POLD1: variants seen among roughly 807,000 people sequenced by gnomAD.
POLD1 encodes DNA polymerase delta catalytic subunit.
Under a neutral mutation model 129.7 loss-of-function variants are expected in POLD1, and 79 were observed. The observed-to-expected ratio is 0.61, with a 90% CI of 0.51 to 0.73. The LOEUF is 0.73. Among genes scored for constraint, POLD1 ranks in the 30% least tolerant of loss-of-function variants. The pLI, the probability that POLD1 is intolerant of heterozygous loss-of-function variation, is 0.00. For missense variants in POLD1, 1,338 were observed against 1,595.8 expected, an observed-to-expected ratio of 0.84 and a Z score of 2.75; for synonymous variants, 714 against 683.3, an observed-to-expected ratio of 1.04 and a Z score of -0.70.
At chr19:50,416,852 C>G in intron 24 of POLD1, 129 bp downstream of exon 24, 2 of 928,714 alleles carry the variant, frequency 2.2e-6, no homozygotes, top group South Asian at 3.4e-5. Flanking sequence ...GTGGGTGGCC[C>G]CTGTCTCCAC....
rs1601220977 is a variant in POLD1, at chr19:50,407,340, G to T, written c.1700G>T (p.Gly567Val). 1 of 1,612,928 alleles carries T rather than the reference G, an allele frequency of 6.2e-7. No individual in the cohort carries two copies. The highest frequency in any genetic ancestry group is 8.5e-7 in the Non-Finnish European group (1 of 1,179,478). ...CTCCCCTCCCAGGCCATGCACGAGG[G>T]GCTGCTGATGCCCGTGGTGAAGTCA... is the stretch of plus-strand genomic sequence containing the variant. ...SQLLRQAMHE[G>V]LLMPVVKSEG... The change falls in exon 14 of 27, where the codon GGG becomes GTG. Residue 567 changes from glycine (G) to valine (V), a missense_variant. Gly to Val is a moderately radical substitution (Grantham distance 109). Transcript: ENST00000440232.
rs1057521359 is a variant in POLD1, at chr19:50,406,277, C to A, written c.1338C>A (p.Thr446=). The part of the protein sequence containing the change: ...FQSKQTGRRD[T]KVVSMVGRVQ... The stretch of plus-strand genomic sequence containing the variant: ...CCAAGCAGACGGGCCGGCGGGACAC[C>A]AAGGTTGTCAGCATGGTGGGCCGCG... Residue 446 remains threonine (T), a synonymous_variant, in exon 11 of 27, where the codon ACC becomes ACA. Transcript: ENST00000440232. This position sits in a 1 kb window ranked among gnomAD's most constrained non-coding sequence, Gnocchi z 5.5. 6.8e-6 allele frequency: 11 copies of A among 1,613,992 alleles called. No homozygotes were observed. Among genetic ancestry groups the A allele is most frequent in the Middle Eastern group, 1.6e-4 (1 of 6,062 alleles).
rs997200266 is a variant in POLD1, at chr19:50,409,435, C to T, written c.2007-84C>T. 114 of 1,575,986 alleles carry T rather than the reference C, an allele frequency of 7.2e-5. No individual in the cohort carries two copies. The highest frequency in any genetic ancestry group is 1.9e-4 in the South Asian group (17 of 89,528). The stretch of plus-strand genomic sequence containing the variant: ...CTGTGCAGTGCACAGTACGCCCAAC[C>T]GTACATGGCACTCACTTCCAGAAAG... On this transcript the variant is annotated intron_variant, in intron 16 of 26. Transcript: ENST00000440232. The surrounding 1 kb of genome is among the most constrained non-coding windows in gnomAD (Gnocchi z 5.8).
intron 14 of POLD1, among the ~76,000 whole-genome samples, chr19:50,407,724 A>G (rs956289019): frequency 2.5e-5 from 3 of 121,702 alleles, no homozygotes; most frequent in Non-Finnish European, 4.7e-5. Flanking sequence ...ACGCCTGGCT[A>G]ATTTTTTTTT....
At chr19:50,395,876 C>CTTTTTTTTTTTT (rs774272686) in intron 1 of POLD1, among the ~76,000 whole-genome samples, 3 of 73,658 alleles carry the variant, frequency 4.1e-5, no homozygotes, top group African/African-American at 1.7e-4. Flanking sequence ...AGGATATATA[C>CTTTTTTTTTTTT]TTTTTTTTTT....
In POLD1 at chr19:50,415,811, C is replaced by T; in HGVS notation, c.2805C>T (p.Ala935=). 1.3e-6 allele frequency: 2 copies of T among 1,537,636 alleles called. No homozygotes were observed. The highest frequency in any genetic ancestry group is 1.8e-6 in the Non-Finnish European group (2 of 1,142,258). ...VIISAAKGVA[A]YMKSEDPLFV... Reference sequence around the variant, plus strand: ...TCAGTGCCGCCAAGGGTGTGGCCGCCTACATGAAGTCGGAGGTCAGGCCCA... The same window carrying T: ...TCAGTGCCGCCAAGGGTGTGGCCGCTTACATGAAGTCGGAGGTCAGGCCCA... Residue 935 remains alanine (A), a synonymous_variant, in exon 22 of 27, where the codon GCC becomes GCT. Coordinates refer to ENST00000440232, the MANE Select transcript of POLD1 (RefSeq NM_002691.4).
chr19:50,384,698 C>T (rs2123688062), intron 1 of POLD1, among the ~76,000 whole-genome samples: 1 of 152,170 alleles, frequency 6.6e-6, no homozygotes, highest in South Asian at 2.1e-4. Context: ...ATCCTGGATT[C>T]GCTGGGTGTT....
At chr19:50,403,298 G>A (rs1479758745) in intron 9 of POLD1, 79 bp downstream of exon 9, 4 of 1,401,684 alleles carry the variant, frequency 2.9e-6, no homozygotes, top group Non-Finnish European at 3.9e-6. Flanking sequence ...GCTCCTGGGT[G>A]CTGCGACGCC....
chr19:50,400,075 A>G (rs1248565077), intron 3 of POLD1, among the ~76,000 whole-genome samples: 1 of 149,418 alleles, frequency 6.7e-6, no homozygotes, highest in African/African-American at 2.5e-5. Flanking sequence ...TTGGCCTCCC[A>G]AAGTGCTTAG....
intron 18 of POLD1, 27 bp from the exon 19 acceptor site, chr19:50,413,715 A>G: frequency 6.3e-7 from 1 of 1,578,300 alleles, no homozygotes; most frequent in Non-Finnish European, 8.6e-7. Context: ...CCTGCTTCTC[A>G]CATACACACA....
chr19:50,413,826 G>A lies in POLD1; in HGVS notation c.2335G>A (p.Ala779Thr), dbSNP rs747996611. Residue 779 changes from alanine (A) to threonine (T), a missense_variant, in exon 19 of 27, where the codon GCG becomes ACG. Transcript: ENST00000440232. ...AEAMALGREAADWVSGHFPSP... is the reference protein window; with the variant it reads ...AEAMALGREATDWVSGHFPSP... ...GGCGATGGCCCTGGGGCGGGAGGCCGCGGACTGGGTGTCAGGTCACTTCCC... is the reference window on the plus strand; with the variant it reads ...GGCGATGGCCCTGGGGCGGGAGGCCACGGACTGGGTGTCAGGTCACTTCCC... The A allele has an allele frequency of 8.7e-6, 14 of 1,612,030 alleles. No individual in the cohort carries two copies. The highest frequency in any genetic ancestry group is 1.1e-5 in the Non-Finnish European group (13 of 1,179,344).
At chr19:50,393,325 T>C (rs1219910192) in intron 1 of POLD1, among the ~76,000 whole-genome samples, 4 of 152,194 alleles carry the variant, frequency 2.6e-5, no homozygotes, top group Non-Finnish European at 5.9e-5. Flanking sequence ...ATTCTACAAC[T>C]TTGTCTAAAT....
At chr19:50,395,551 T>G (rs2038327105) in intron 1 of POLD1, among the ~76,000 whole-genome samples, 1 of 149,862 alleles carries the variant, frequency 6.7e-6, no homozygotes, top group Non-Finnish European at 1.5e-5. Context: ...GCCACCGCAC[T>G]CCAGCCTGGG....
Position 50,414,856 on chromosome 19 carries a change from G to A in POLD1, c.2430G>A (p.Ala810=), listed in dbSNP as rs763386334. 19 of 1,598,680 alleles carry A rather than the reference G, an allele frequency of 1.2e-5. No homozygotes were observed. Among genetic ancestry groups the A allele is most frequent in the South Asian group, 4.5e-5 (4 of 89,632 alleles). ...TGCTTATCAGCAAGAAGCGCTACGC[G>A]GGCCTGCTCTTCTCCTCCCGGCCCG... ...PYLLISKKRY[A]GLLFSSRPDA... is the part of the protein sequence containing the mutation. The change falls in exon 20 of 27, where the codon GCG becomes GCA. Residue 810 remains alanine, a synonymous_variant. Coordinates refer to ENST00000440232, the MANE Select transcript of POLD1 (RefSeq NM_002691.4).
chr19:50,405,645 C>T (rs973288213), intron 10 of POLD1, among the ~76,000 whole-genome samples: 2 of 152,274 alleles, frequency 1.3e-5, no homozygotes, highest in Middle Eastern at 3.4e-3. Context: ...CACAGCGTGG[C>T]GCTGATGCCC....
At chr19:50,403,390 C>A in intron 9 of POLD1, 103 bp from the exon 10 acceptor site, 1 of 1,160,950 alleles carries the variant, frequency 8.6e-7, no homozygotes, top group South Asian at 1.3e-5. Flanking sequence ...CCTCTGGGTT[C>A]TGCAGGATTT....
rs758977084 is a variant in POLD1 at position 50,406,256 on chromosome 19, G to T, written c.1317G>T (p.Lys439Asn). Reference sequence around the variant, plus strand: ...TCCGGGACTCTTCATTCCAGTCCAAGCAGACGGGCCGGCGGGACACCAAGG... The same window carrying T: ...TCCGGGACTCTTCATTCCAGTCCAATCAGACGGGCCGGCGGGACACCAAGG... Reference protein sequence around the residue: ...SNIRDSSFQSKQTGRRDTKVV... With the variant: ...SNIRDSSFQSNQTGRRDTKVV... The change falls in exon 11 of 27, where the codon AAG becomes AAT. Residue 439 changes from lysine to asparagine, a missense_variant. Coordinates refer to ENST00000440232, the MANE Select transcript of POLD1 (RefSeq NM_002691.4). This position sits in a 1 kb window ranked among gnomAD's most constrained non-coding sequence, Gnocchi z 5.5. 1 of 1,614,018 alleles carries T rather than the reference G, an allele frequency of 6.2e-7. No individual in the cohort carries two copies. Among genetic ancestry groups the T allele is most frequent in the Non-Finnish European group, 8.5e-7 (1 of 1,179,998 alleles).
Position 50,417,948 on chromosome 19 carries a change from C to G in POLD1, c.*1C>G, listed in dbSNP as rs2039398872. On this transcript the variant is annotated 3_prime_UTR_variant, in exon 27 of 27. Coordinates refer to ENST00000440232, the MANE Select transcript of POLD1 (RefSeq NM_002691.4). ...ACCCCCTGGACCTGAGGCCTGGTGA[C>G]CTTGCAAGCATCCCATGGGGCGGGG... is the stretch of plus-strand genomic sequence containing the variant. 6.3e-7 allele frequency: 1 copy of G among 1,593,066 alleles called. No homozygotes were observed. Among genetic ancestry groups the G allele is most frequent in the Non-Finnish European group, 8.6e-7 (1 of 1,164,204 alleles).
rs200649908 is a variant in POLD1 at position 50,408,881 on chromosome 19, C to G, written c.1872C>G (p.Pro624=). 6.2e-7 allele frequency: 1 copy of G among 1,611,876 alleles called. No homozygotes were observed. The highest frequency in any genetic ancestry group is 1.3e-5 in the African/African-American group (1 of 74,840). The change falls in exon 15 of 27, where the codon CCC becomes CCG. Residue 624 remains proline, a synonymous_variant. Transcript: ENST00000440232. ...HNLCYTTLLR[P]GTAQKLGLTE... ...TGTGTTACACCACGCTCCTTCGGCCCGGGACTGCACAGAAACTGGGGTATA... is the reference window on the plus strand; with the variant it reads ...TGTGTTACACCACGCTCCTTCGGCCGGGGACTGCACAGAAACTGGGGTATA...
Sources: allele counts gnomAD v4.1 joint callset (sites outside exome capture counted in the v4.1 genomes callset), GRCh38; gene constraint gnomAD v4.1.1; non-coding constraint Gnocchi (gnomAD v3.1); transcripts MANE v1.5; gene names NCBI Gene and HGNC (gene_info 2026-07-23, HGNC 2026-07-21).